Variants in CTNND2 observed in about 807,000 individuals in gnomAD.
The protein encoded by CTNND2 is catenin delta 2, also known as catenin delta-2.
Under a neutral mutation model 144.4 loss-of-function variants are expected in CTNND2, and 22 were observed. The ratio of observed to expected loss-of-function variants is 0.15; its 90% CI spans 0.11 to 0.22. The LOEUF is 0.22. Ranked by LOEUF, CTNND2 falls within the 10% of genes least tolerant of loss-of-function variation. CTNND2 has a pLI of 1.00. For missense variants in CTNND2, 1,353 were observed against 1,618.8 expected (o/e 0.84, Z 2.82); for synonymous variants, 751 against 695.6 (o/e 1.08, Z -1.25).
In CTNND2 at chr5:11,097,891, G is replaced by A. The variant is rs148288301; in HGVS notation, c.2637+684C>T. On this transcript the variant is annotated intron_variant, in intron 15 of 21. Transcript: ENST00000304623. Reference sequence around the variant, plus strand: ...CTTCTAATAGGTCAAACTTTTTTATGCAACAAAGCAAATTAGCGCATTGGT... The same window carrying A: ...CTTCTAATAGGTCAAACTTTTTTATACAACAAAGCAAATTAGCGCATTGGT... Among the ~76,000 whole-genome samples the A allele has an allele frequency of 3.0e-4, 45 of 152,242 alleles. No individual in the cohort carries two copies. In the East Asian group the frequency reaches 8.7e-3, roughly 29 times the overall value.
At chr5:11,695,468 A>G (rs537604235) in intron 2 of CTNND2, among the ~76,000 whole-genome samples, 1 of 152,310 alleles carries the variant, frequency 6.6e-6, no homozygotes, top group African/African-American at 2.4e-5. Context: ...AGAAGTATAA[A>G]CGGAGTGCCC....
chr5:11,317,314 T>C (rs1317050281), intron 9 of CTNND2, among the ~76,000 whole-genome samples: 1 of 152,186 alleles, frequency 6.6e-6, no homozygotes, highest in Non-Finnish European at 1.5e-5. Context: ...CACCATATAC[T>C]ATGTCCTCTC....
Position 11,110,840 on chromosome 5 carries a change from G to T in CTNND2, c.2463+18C>A. 1 of 1,602,438 alleles carries T rather than the reference G, an allele frequency of 6.2e-7. No individual in the cohort carries two copies. Among genetic ancestry groups the T allele is most frequent in the Non-Finnish European group, 8.5e-7 (1 of 1,174,216 alleles). On this transcript the variant is annotated intron_variant, in intron 14 of 21. Coordinates refer to ENST00000304623, the MANE Select transcript of CTNND2 (RefSeq NM_001332.4). Reference sequence around the variant, plus strand: ...AGGAAGGGGATAATTGCATGCAGCTGCAAGCAGCCTGCATCACCTGATCTT... The same window carrying T: ...AGGAAGGGGATAATTGCATGCAGCTTCAAGCAGCCTGCATCACCTGATCTT...
intron 2 of CTNND2, among the ~76,000 whole-genome samples, chr5:11,660,941 G>A (rs1344972407): frequency 2.0e-5 from 3 of 152,104 alleles, no homozygotes; most frequent in Non-Finnish European, 4.4e-5. Flanking sequence ...AGAAGAATGT[G>A]AGAGTTGAAA....
chr5:11,323,234 G>C (rs1014122404), intron 9 of CTNND2, among the ~76,000 whole-genome samples: 2,432 of 146,184 alleles, frequency 0.017, 98 homozygotes, highest in African/African-American at 0.057. Context: ...TAGAGATTGG[G>C]GGGGGGGGTC....
intron 3 of CTNND2, among the ~76,000 whole-genome samples, chr5:11,503,378 G>A (rs1369363569): frequency 6.6e-6 from 1 of 152,178 alleles, no homozygotes; most frequent in African/African-American, 2.4e-5. Context: ...ATTATATTTA[G>A]CTTGGGAATC....
intron 1 of CTNND2, among the ~76,000 whole-genome samples, chr5:11,792,286 T>G (rs892728088): frequency 9.5e-5 from 8 of 83,948 alleles, no homozygotes; most frequent in African/African-American, 3.1e-4. Flanking sequence ...AGACACAATT[T>G]TCTTTAAAAT....
At chr5:11,329,151 A>T (rs139280082) in intron 9 of CTNND2, among the ~76,000 whole-genome samples, 54 of 152,110 alleles carry the variant, frequency 3.6e-4, no homozygotes, top group Admixed American at 1.0e-3. Flanking sequence ...TTTTAAGTTA[A>T]TCATCCTTCT....
intron 7 of CTNND2, among the ~76,000 whole-genome samples, chr5:11,369,079 T>C (rs1757226647): frequency 6.6e-6 from 1 of 152,246 alleles, no homozygotes; most frequent in South Asian, 2.1e-4. Context: ...TTTGAAATAA[T>C]CTAAATAACA....
intron 3 of CTNND2, among the ~76,000 whole-genome samples, chr5:11,466,435 T>C (rs922040814): frequency 6.6e-6 from 1 of 152,090 alleles, no homozygotes; most frequent in Non-Finnish European, 1.5e-5. Flanking sequence ...CCATTTTCTT[T>C]GAAAAAAATG....
intron 16 of CTNND2, among the ~76,000 whole-genome samples, chr5:11,049,051 A>T (rs1310402887): frequency 6.6e-6 from 1 of 152,236 alleles, no homozygotes; most frequent in East Asian, 1.9e-4. Context: ...CCTGGGGGAC[A>T]AAATTGCCCC....
chr5:11,887,983 G>C (rs1359085581), intron 1 of CTNND2, among the ~76,000 whole-genome samples: 1 of 152,104 alleles, frequency 6.6e-6, no homozygotes, highest in African/African-American at 2.4e-5. Context: ...CACTTTTTAT[G>C]AATTGCTTAC....
chr5:11,197,383 G>T (rs32267), intron 11 of CTNND2, among the ~76,000 whole-genome samples: 74,281 of 152,056 alleles, frequency 0.49, 18,782 homozygotes, highest in African/African-American at 0.62. Flanking sequence ...ACAGCATTTC[G>T]TCTAGGAGGA....
At chr5:11,881,653 T>TCATCCATCAA (rs1736124624) in intron 1 of CTNND2, among the ~76,000 whole-genome samples, 1 of 152,018 alleles carries the variant, frequency 6.6e-6, no homozygotes, top group Non-Finnish European at 1.5e-5. Flanking sequence ...CAATAGACAT[T>TCATCCATCAA]TAGGCTGATA....
chr5:11,575,257 T>C (rs528779420), intron 2 of CTNND2, among the ~76,000 whole-genome samples: 1 of 152,338 alleles, frequency 6.6e-6, no homozygotes, highest in Admixed American at 6.5e-5. Context: ...TCTCAGTACA[T>C]GAGGAATAGA....
chr5:11,668,902 T>C (rs1783719247), intron 2 of CTNND2, among the ~76,000 whole-genome samples: 1 of 152,176 alleles, frequency 6.6e-6, no homozygotes, highest in Admixed American at 6.5e-5. Flanking sequence ...GCTGTCGGAT[T>C]ACCATAAATA....
chr5:11,776,299 G>A (rs1404987436), intron 1 of CTNND2, among the ~76,000 whole-genome samples: 2 of 152,164 alleles, frequency 1.3e-5, no homozygotes, highest in African/African-American at 2.4e-5. Context: ...GCCAGTGAGT[G>A]AGACAAAGGA....
intron 7 of CTNND2, among the ~76,000 whole-genome samples, chr5:11,371,338 C>A (rs73742815): frequency 0.015 from 2,274 of 152,270 alleles, 50 homozygotes; most frequent in African/African-American, 0.053. Flanking sequence ...ACTAACATAA[C>A]TTTGGTTAAC....
intron 11 of CTNND2, among the ~76,000 whole-genome samples, chr5:11,187,470 C>T (rs1237521588): frequency 6.6e-6 from 1 of 152,146 alleles, no homozygotes; most frequent in East Asian, 1.9e-4. Context: ...GGATTAAAGA[C>T]TTAAATGTAA....
Sources: allele counts gnomAD v4.1 joint callset (sites outside exome capture counted in the v4.1 genomes callset), GRCh38; gene constraint gnomAD v4.1.1; transcripts MANE v1.5; gene names NCBI Gene and HGNC (gene_info 2026-07-23, HGNC 2026-07-21).